Variants in TCAF2 observed in about 807,000 individuals in gnomAD.
TCAF2 encodes the protein TRPM8 channel-associated factor 2.
TCAF2 carries 6 observed loss-of-function variants against 33.9 expected under a neutral mutation model. The ratio of observed to expected loss-of-function variants is 0.18; its 90% CI spans 0.10 to 0.35. The LOEUF (loss-of-function observed/expected upper bound fraction) is 0.35, where lower values mean the gene tolerates loss of function less well. Ranked by LOEUF, TCAF2 falls within the 10% of genes least tolerant of loss-of-function variation. The probability of loss-of-function intolerance (pLI) is 1.00; values close to 1 mark genes in which losing one functional copy is unlikely to be tolerated. For missense variants in TCAF2, 109 were observed against 604.0 expected, an observed-to-expected ratio of 0.18 and a Z score of 8.59; for synonymous variants, 41 against 247.8, an observed-to-expected ratio of 0.17 and a Z score of 7.84.
chr7:143,718,392 A>G (rs911745563), intron 2 of TCAF2, among the ~76,000 whole-genome samples: 5 of 149,936 alleles, frequency 3.3e-5, no homozygotes, highest in African/African-American at 1.2e-4. Flanking sequence ...TTCTGCTTCT[A>G]TGTCTGGTTT....
intron 1 of TCAF2, among the ~76,000 whole-genome samples, chr7:143,647,942 TG>T: frequency 7.2e-6 from 1 of 138,822 alleles, no homozygotes; most frequent in South Asian, 2.4e-4. Context: ...TTATTTGAGA[TG>T]GAGTTTCGCT....
intron 2 of TCAF2, among the ~76,000 whole-genome samples, chr7:143,707,299 CA>C (rs1356829423): frequency 7.0e-6 from 1 of 142,772 alleles, no homozygotes; most frequent in African/African-American, 2.8e-5. Flanking sequence ...CATTGCACAC[CA>C]ACCTGGGCAA....
rs900917071 is a variant in TCAF2, at chr7:143,729,435, T to C, written c.*1768T>C. ...TTCAACCAGGTCTGGATTTTTCCAA[T>C]GTTTACTACTGAATTTTCATTCAAT... On this transcript the variant is annotated 3_prime_UTR_variant, in exon 8 of 8. Coordinates refer to ENST00000684770, the MANE Select transcript of TCAF2 (RefSeq NM_001363538.2). 6.6e-6 allele frequency: 1 copy of C among 152,202 alleles called. No individual in the cohort carries two copies. The highest frequency in any genetic ancestry group is 1.5e-5 in the Non-Finnish European group (1 of 68,028). The allele number at this position is 152,202 out of a possible 1,614,324, so 9.4% of individuals were successfully genotyped here. A position where few individuals can be genotyped will look rare whatever the true frequency, so the allele number is the denominator to read the frequency against.
chr7:143,720,820 A>T lies in TCAF2; in HGVS notation c.1615+146A>T. On this transcript the variant is annotated intron_variant, in intron 3 of 7. Coordinates refer to ENST00000684770, the MANE Select transcript of TCAF2 (RefSeq NM_001363538.2). ...TTTTGAGACAGAGTCTCACTCTGTC[A>T]TCCAGGTTGGAATGCAGTGGCGCGA... is the stretch of plus-strand genomic sequence containing the variant. 2 of 989,758 alleles carry T rather than the reference A, an allele frequency of 2.0e-6. 1 individual carries two copies. The highest frequency in any genetic ancestry group is 2.7e-6 in the Non-Finnish European group (2 of 750,354). The allele number at this position is 989,758 out of a possible 1,614,324, so 61.3% of individuals were successfully genotyped here. A position where few individuals can be genotyped will look rare whatever the true frequency, so the allele number is the denominator to read the frequency against.
rs942276777 is a variant in TCAF2, at chr7:143,728,658, G to T, written c.*991G>T. ...CCATGGAATCAAGGCACTGTCAAGT[G>T]GTGGGGGGTCCACAGGCACAGTGGG... On this transcript the variant is annotated 3_prime_UTR_variant, in exon 8 of 8. Transcript: ENST00000684770. 6.6e-6 allele frequency: 1 copy of T among 152,280 alleles called. No individual in the cohort carries two copies. Among genetic ancestry groups the T allele is most frequent in the Non-Finnish European group, 1.5e-5 (1 of 68,128 alleles). The allele number at this position is 152,280 out of a possible 1,614,324, so 9.4% of individuals were successfully genotyped here. A position where few individuals can be genotyped will look rare whatever the true frequency, so the allele number is the denominator to read the frequency against.
At chr7:143,648,389 A>T (rs373756663) in intron 1 of TCAF2, among the ~76,000 whole-genome samples, 59,598 of 89,550 alleles carry the variant, frequency 0.67, 19,263 homozygotes, top group East Asian at 0.88. Flanking sequence ...TTGAATATTT[A>T]GGCTTCAGTT....
rs1225557799 is a variant in TCAF2 at position 143,730,222 on chromosome 7, C to T, written c.*2555C>T. On this transcript the variant is annotated 3_prime_UTR_variant, in exon 8 of 8. Transcript: ENST00000684770. ...TGGTTGAACTAATTTACACTCCCAA[C>T]AACAGTGTAAAAGCATTCCTGTTTC... The T allele has an allele frequency of 6.6e-6, 1 of 152,160 alleles. No homozygotes were observed. The highest frequency in any genetic ancestry group is 2.4e-5 in the African/African-American group (1 of 41,428). The allele number at this position is 152,160 out of a possible 1,614,324, so 9.4% of individuals were successfully genotyped here.
rs1160342060 is a variant in TCAF2, at chr7:143,648,541, C to T, written c.-12+27521C>T. Among the ~76,000 whole-genome samples the T allele has an allele frequency of 4.6e-5, 6 of 130,702 alleles. 1 individual carries two copies. Among genetic ancestry groups the T allele is most frequent in the East Asian group, 2.3e-4 (1 of 4,318 alleles). The allele number at this position is 130,702 out of a possible 152,430, so 85.7% of individuals were successfully genotyped here. Reference sequence around the variant, plus strand: ...GTAAAAACACCAAATCTGGACTCTCCGTAGGGTAGTTCTGATCTAGGAACA... The same window carrying T: ...GTAAAAACACCAAATCTGGACTCTCTGTAGGGTAGTTCTGATCTAGGAACA... On this transcript the variant is annotated intron_variant, in intron 1 of 7. Coordinates refer to ENST00000684770, the MANE Select transcript of TCAF2 (RefSeq NM_001363538.2).
intron 7 of TCAF2, among the ~76,000 whole-genome samples, chr7:143,725,540 G>T (rs1809659208): frequency 6.6e-6 from 1 of 151,054 alleles, no homozygotes; most frequent in African/African-American, 2.4e-5. Context: ...CTTAAAATCA[G>T]GACGTAATGA....
intron 1 of TCAF2, among the ~76,000 whole-genome samples, chr7:143,648,427 T>A (rs1354884101): frequency 7.3e-6 from 1 of 137,830 alleles, no homozygotes; most frequent in African/African-American, 2.6e-5. Context: ...ATTAAACATA[T>A]AAACAAGTTA....
chr7:143,624,125 C>T lies in TCAF2; in HGVS notation c.-12+3105C>T, dbSNP rs772211523. 5 of 377,424 alleles carry T rather than the reference C, an allele frequency of 1.3e-5. 1 individual carries two copies. The highest frequency in any genetic ancestry group is 2.9e-5 in the African/African-American group (1 of 34,216). 23.4% of individuals were successfully genotyped at this position (377,424 alleles called of 1,614,324 possible). On this transcript the variant is annotated intron_variant, in intron 1 of 7. Coordinates refer to ENST00000684770, the MANE Select transcript of TCAF2 (RefSeq NM_001363538.2). ...GCTGGGCTTGAGGCACAGGTCAAGC[C>T]AGAACCAGGAGAGCCCCTAGGGGTT...
chr7:143,720,878 T>A, intron 3 of TCAF2: 2 of 583,074 alleles, frequency 3.4e-6, no homozygotes, highest in Non-Finnish European at 5.1e-6. Context: ...CTCCTGGGTT[T>A]AAGCAATTCT....
rs1402206524 is a variant in TCAF2 at position 143,728,110 on chromosome 7, G to C, written c.*443G>C. On this transcript the variant is annotated 3_prime_UTR_variant, in exon 8 of 8. Coordinates refer to ENST00000684770, the MANE Select transcript of TCAF2 (RefSeq NM_001363538.2). ...GAATAGTGGAGAGAGCCCCAAACCA[G>C]CTTTGGTTCTATGGAAAATCACTCC... 1 of 200,240 alleles carries C rather than the reference G, an allele frequency of 5.0e-6. No homozygotes were observed. Among genetic ancestry groups the C allele is most frequent in the African/African-American group, 2.4e-5 (1 of 42,008 alleles). The allele number at this position is 200,240 out of a possible 1,614,324, so 12.4% of individuals were successfully genotyped here.
In TCAF2 at chr7:143,728,164, A is replaced by C; in HGVS notation, c.*497A>C. Reference sequence around the variant, plus strand: ...TCTCTGTGTTTCTGTCTTCACATCCATGACATGAGGATACAAATCTTTTCC... The same window carrying C: ...TCTCTGTGTTTCTGTCTTCACATCCCTGACATGAGGATACAAATCTTTTCC... On this transcript the variant is annotated 3_prime_UTR_variant, in exon 8 of 8. Transcript: ENST00000684770. 5.3e-6 allele frequency: 1 copy of C among 188,282 alleles called. No homozygotes were observed. Among genetic ancestry groups the C allele is most frequent in the Non-Finnish European group, 1.1e-5 (1 of 89,946 alleles). The allele number at this position is 188,282 out of a possible 1,614,324, so 11.7% of individuals were successfully genotyped here. A position where few individuals can be genotyped will look rare whatever the true frequency, so the allele number is the denominator to read the frequency against.
Position 143,647,910 on chromosome 7 carries a change from T to TTTC in TCAF2, c.-12+26892_-12+26893insCTT, listed in dbSNP as rs1488631697. ...AGTCTTTCTTTCTTTTCTTTCTTTC[T>TTTC]TTTCTTTCTTTCTTTCTTTTTTTAT... On this transcript the variant is annotated intron_variant, in intron 1 of 7. Transcript: ENST00000684770. 1.1e-4 allele frequency among the ~76,000 whole-genome samples: 16 copies of TTTC among 144,498 alleles called. 1 individual carries two copies. The highest frequency in any genetic ancestry group is 2.0e-4 in the Non-Finnish European group (13 of 65,780). The allele number at this position is 144,498 out of a possible 152,430, so 94.8% of individuals were successfully genotyped here.
chr7:143,728,227 T>C lies in TCAF2; in HGVS notation c.*560T>C, dbSNP rs922476977. The C allele has an allele frequency of 1.1e-5, 2 of 174,546 alleles. No homozygotes were observed. The highest frequency in any genetic ancestry group is 2.5e-5 in the Non-Finnish European group (2 of 81,140). The allele number at this position is 174,546 out of a possible 1,614,324, so 10.8% of individuals were successfully genotyped here. On this transcript the variant is annotated 3_prime_UTR_variant, in exon 8 of 8. Transcript: ENST00000684770. Reference sequence around the variant, plus strand: ...TGTTTGATTTCTCCTGGTCCCATAGTGGACTGTTAACGGTGTCCAGTCTAG... The same window carrying C: ...TGTTTGATTTCTCCTGGTCCCATAGCGGACTGTTAACGGTGTCCAGTCTAG...
chr7:143,647,886 GTCTT>G lies in TCAF2; in HGVS notation c.-12+26876_-12+26879del, dbSNP rs1197990223. Among the ~76,000 whole-genome samples the G allele has an allele frequency of 1.2e-4, 17 of 145,130 alleles. 1 individual carries two copies. Among genetic ancestry groups the G allele is most frequent in the East Asian group, 2.4e-4 (1 of 4,154 alleles). On this transcript the variant is annotated intron_variant, in intron 1 of 7. Coordinates refer to ENST00000684770, the MANE Select transcript of TCAF2 (RefSeq NM_001363538.2). ...ATTATCATTTAATTGGCAATGTTTA[GTCTT>G]TCTTTCTTTTCTTTCTTTCTTTTCT...
chr7:143,724,804 C>T (rs1809634242), intron 7 of TCAF2, 107 bp downstream of exon 7: 1 of 1,570,050 alleles, frequency 6.4e-7, no homozygotes, highest in Admixed American at 1.8e-5. Context: ...CCAGCCTGGA[C>T]CTCCACCTCC....
rs945495911 is a variant in TCAF2 at position 143,729,222 on chromosome 7, C to A, written c.*1555C>A. 1 of 152,132 alleles carries A rather than the reference C, an allele frequency of 6.6e-6. No individual in the cohort carries two copies. Among genetic ancestry groups the A allele is most frequent in the Non-Finnish European group, 1.5e-5 (1 of 68,034 alleles). The allele number at this position is 152,132 out of a possible 1,614,324, so 9.4% of individuals were successfully genotyped here. A position where few individuals can be genotyped will look rare whatever the true frequency, so the allele number is the denominator to read the frequency against. Reference sequence around the variant, plus strand: ...CCTCTGAGGTAGGTACTAGTATGATCCCCATTTCGTACATGAGGAAACTGA... The same window carrying A: ...CCTCTGAGGTAGGTACTAGTATGATACCCATTTCGTACATGAGGAAACTGA... On this transcript the variant is annotated 3_prime_UTR_variant, in exon 8 of 8. Transcript: ENST00000684770.
Sources: allele counts gnomAD v4.1 joint callset (sites outside exome capture counted in the v4.1 genomes callset), GRCh38; gene constraint gnomAD v4.1.1; transcripts MANE v1.5; gene names NCBI Gene and HGNC (gene_info 2026-07-23, HGNC 2026-07-21).